COL6A3: variants seen among roughly 807,000 people sequenced by gnomAD.
COL6A3 encodes collagen type VI alpha 3 chain, also known as collagen alpha-3(VI) chain.
In COL6A3, 137 loss-of-function variants were observed where a neutral mutation model predicts 274.1. That is an observed-to-expected ratio of 0.50 (90% CI 0.44 to 0.58). COL6A3 has a LOEUF of 0.58. Ranked by LOEUF, COL6A3 falls within the 20% of genes least tolerant of loss-of-function variation. COL6A3 has a pLI of 0.00. For synonymous variants in COL6A3, 1,650 were observed against 1,650.6 expected (o/e 1.00, Z 0.01); for missense variants, 3,950 against 4,124.9 (o/e 0.96, Z 1.16).
Position 237,387,630 on chromosome 2 carries a change from C to T in COL6A3, c.1264G>A (p.Val422Met), listed in dbSNP as rs114511558. The change falls in exon 4 of 44, where the codon GTG (valine) becomes ATG (methionine). Residue 422 changes from valine to methionine, a missense_variant. Val to Met is a conservative substitution (Grantham distance 21, BLOSUM62 1). Around this residue, in one of 5 missense-constraint regions of COL6A3, gnomAD observed 1,934 missense variants for 1,984.3 expected, o/e 0.97. Coordinates refer to ENST00000295550, the MANE Select transcript of COL6A3 (RefSeq NM_004369.4). ...QEKLLPYIVG[V>M]AQRHIVLKPP... is the part of the protein sequence containing the mutation. ...TTCAAGACAATGTGCCTTTGGGCCA[C>T]GCCAACAATGTACGGCAGTAATTTC... The T allele has an allele frequency of 2.7e-4, 435 of 1,613,700 alleles. No individual in the cohort carries two copies. The East Asian group carries it at 8.6e-3, about 32-fold the overall frequency.
chr2:237,334,883 A>T lies in COL6A3; in HGVS notation c.8972T>A (p.Met2991Lys). 1.9e-6 allele frequency: 3 copies of T among 1,614,218 alleles called. No homozygotes were observed. Among genetic ancestry groups the T allele is most frequent in the Non-Finnish European group, 2.5e-6 (3 of 1,180,050 alleles). The change falls in exon 41 of 44, where the codon ATG becomes AAG. Residue 2991 changes from methionine to lysine, a missense_variant. Met to Lys is a moderately conservative substitution (Grantham distance 95). Around this residue, in one of 5 missense-constraint regions of COL6A3, gnomAD observed 1,284 missense variants for 1,349.7 expected, o/e 0.95. Transcript: ENST00000295550. ...KPATTKPMVK[M>K]SREVQVFEIT... ...CTCAAACACCTGGACTTCACGGGAC[A>T]TCTTAACTGAAAGATAGATCAGAGC...
chr2:237,394,744 C>T lies in COL6A3; in HGVS notation c.552G>A (p.Ala184=), dbSNP rs542204130. The change falls in exon 3 of 44, where the codon GCG becomes GCA. Residue 184 remains alanine (A), a synonymous_variant. Coordinates refer to ENST00000295550, the MANE Select transcript of COL6A3 (RefSeq NM_004369.4). ...GCGGTTCACTTGCTATTTCTTTTAA[C>T]GCTCCTTCATCTGCATCCTCAACTC... ...AIGVEDADEG[A]LKEIASEPLN... 1.1e-4 allele frequency: 174 copies of T among 1,614,074 alleles called. No individual in the cohort carries two copies. Among genetic ancestry groups the T allele is most frequent in the South Asian group, 4.8e-4 (44 of 91,086 alleles).
At chr2:237,342,453 GTTAAA>G (rs1455275032) in intron 36 of COL6A3, 1 of 402,278 alleles carries the variant, frequency 2.5e-6, no homozygotes, top group Non-Finnish European at 4.6e-6. Context: ...CATTTGGAGG[GTTAAA>G]TTAGATAATA....
chr2:237,347,659 G>A, intron 31 of COL6A3, 148 bp downstream of exon 31: 2 of 816,842 alleles, frequency 2.4e-6, no homozygotes, highest in Admixed American at 2.0e-5. Flanking sequence ...GAGGACATTG[G>A]TCTGGGGCTC....
At chr2:237,347,089 T>C (rs2077112167) in intron 31 of COL6A3, among the ~76,000 whole-genome samples, 1 of 152,054 alleles carries the variant, frequency 6.6e-6, no homozygotes, top group Non-Finnish European at 1.5e-5. Flanking sequence ...GACTCTGCCA[T>C]TTTAAGAGGG....
rs111671687 is a variant in COL6A3 at position 237,339,854 on chromosome 2, G to A, written c.8464+598C>T. The stretch of plus-strand genomic sequence containing the variant: ...CCAGGTAATAGATGCCCTAAATAGG[G>A]TGTCCGGATTAACCATGAGCAGGCC... On this transcript the variant is annotated intron_variant, in intron 38 of 43. Coordinates refer to ENST00000295550, the MANE Select transcript of COL6A3 (RefSeq NM_004369.4). 3.8e-3 allele frequency among the ~76,000 whole-genome samples: 573 copies of A among 152,240 alleles called. 6 individuals carry two copies. Among genetic ancestry groups the A allele is most frequent in the African/African-American group, 0.013 (536 of 41,546 alleles).
At chr2:237,397,186 T>G (rs575595206) in intron 1 of COL6A3, among the ~76,000 whole-genome samples, 60 of 75,100 alleles carry the variant, frequency 8.0e-4, no homozygotes, top group African/African-American at 1.4e-3. Context: ...AGAAGGAAGG[T>G]AAGGGAAGGG....
At chr2:237,326,855 A>T (rs1699971932) in intron 42 of COL6A3, 1 of 152,274 alleles carries the variant, frequency 6.6e-6, no homozygotes, top group Admixed American at 6.5e-5. Flanking sequence ...AGCTTGGATC[A>T]CCCACGATGG....
At chr2:237,409,277 A>G (rs902902442) in intron 1 of COL6A3, among the ~76,000 whole-genome samples, 1 of 152,026 alleles carries the variant, frequency 6.6e-6, no homozygotes, top group East Asian at 1.9e-4. Flanking sequence ...ATTCCCCAAG[A>G]ATGTATTCTC....
At chr2:237,403,261 G>A (rs1050516121) in intron 1 of COL6A3, among the ~76,000 whole-genome samples, 1 of 152,288 alleles carries the variant, frequency 6.6e-6, no homozygotes, top group Non-Finnish European at 1.5e-5. Context: ...AACACAGTGT[G>A]GGCCCTAGGC....
chr2:237,364,507 C>T lies in COL6A3; in HGVS notation c.5839-79G>A, dbSNP rs944473516. On this transcript the variant is annotated intron_variant, in intron 12 of 43. Transcript: ENST00000295550. This position sits in a 1 kb window ranked among gnomAD's most constrained non-coding sequence, Gnocchi z 4.6. ...ACTGCTGATAGAAAACTGAGAGACT[C>T]GCTGTCTCAAGCCCTTCATTTTACA... is the stretch of plus-strand genomic sequence containing the variant. The T allele has an allele frequency of 9.9e-6, 11 of 1,108,292 alleles. No homozygotes were observed. Among genetic ancestry groups the T allele is most frequent in the Admixed American group, 3.4e-5 (2 of 58,944 alleles). 68.7% of individuals were successfully genotyped at this position (1,108,292 alleles called of 1,614,324 possible). A position where few individuals can be genotyped will look rare whatever the true frequency, so the allele number is the denominator to read the frequency against.
At chr2:237,336,883 C>G (rs1700580059) in intron 39 of COL6A3, among the ~76,000 whole-genome samples, 1 of 152,012 alleles carries the variant, frequency 6.6e-6, no homozygotes, top group South Asian at 2.1e-4. Flanking sequence ...AAACATACAC[C>G]AAAAATTAAA....
At chr2:237,360,908 G>A (rs1419136266) in intron 16 of COL6A3, among the ~76,000 whole-genome samples, 1 of 152,158 alleles carries the variant, frequency 6.6e-6, no homozygotes, top group Non-Finnish European at 1.5e-5. Flanking sequence ...AACAGAGTAA[G>A]AACAAATCCC....
At position 237,347,872 on chromosome 2, in the gene COL6A3, G is replaced by C. The variant is rs1228002535; in HGVS notation, c.6967-3C>G. The C allele has an allele frequency of 1.9e-6, 3 of 1,608,934 alleles. No individual in the cohort carries two copies. Among genetic ancestry groups the C allele is most frequent in the Non-Finnish European group, 2.5e-6 (3 of 1,177,488 alleles). On this transcript the variant is annotated splice_region_variant and splice_polypyrimidine_tract_variant and intron_variant, in intron 30 of 43. Coordinates refer to ENST00000295550, the MANE Select transcript of COL6A3 (RefSeq NM_004369.4). ...AGCCCAGGTTCACCTGGGTTACCCT[G>C]GGAAGAAAGCCGAGAAGTGGCACAG...
chr2:237,343,008 C>G (rs1339107699), intron 36 of COL6A3: 1 of 152,222 alleles, frequency 6.6e-6, no homozygotes, highest in Non-Finnish European at 1.5e-5. Context: ...CATCCTGCCC[C>G]AGTCTCAATT....
rs113448987 is a variant in COL6A3, at chr2:237,344,996, C to A, written c.7163-44G>T. 27 of 1,613,970 alleles carry A rather than the reference C, an allele frequency of 1.7e-5. No homozygotes were observed. The highest frequency in any genetic ancestry group is 2.3e-5 in the Non-Finnish European group (27 of 1,179,980). On this transcript the variant is annotated intron_variant, in intron 34 of 43. Coordinates refer to ENST00000295550, the MANE Select transcript of COL6A3 (RefSeq NM_004369.4). The surrounding 1 kb of genome is among the most constrained non-coding windows in gnomAD (Gnocchi z 4.8). ...GAAGAAAGGGTGAGAGACTACTCTA[C>A]CATGTGAGAATTTCGAATGTAAAAA...
chr2:237,363,360 C>A lies in COL6A3; in HGVS notation c.5956G>T (p.Val1986Phe). The A allele has an allele frequency of 1.9e-6, 3 of 1,614,138 alleles. No homozygotes were observed. Among genetic ancestry groups the A allele is most frequent in the Non-Finnish European group, 2.5e-6 (3 of 1,180,042 alleles). The change falls in exon 14 of 44, where the codon GTC (valine) becomes TTC (phenylalanine). Residue 1986 changes from valine (V) to phenylalanine (F), a missense_variant. Transcript: ENST00000295550. ...AGATGCATTAGCCGCTCCAAGTTGACCACTCGTTCAAGGCCCACCAGGATC... is the reference window on the plus strand; with the variant it reads ...AGATGCATTAGCCGCTCCAAGTTGAACACTCGTTCAAGGCCCACCAGGATC... ...ALILVGLERV[V>F]NLERLMHLEF...
chr2:237,348,098 A>G (rs773267334), intron 30 of COL6A3, among the ~76,000 whole-genome samples: 12 of 152,236 alleles, frequency 7.9e-5, no homozygotes, highest in Non-Finnish European at 1.8e-4. Context: ...ATAGCATTTC[A>G]CAGCTTACAG....
intron 31 of COL6A3, among the ~76,000 whole-genome samples, chr2:237,346,779 A>C (rs778357177): frequency 6.6e-6 from 1 of 152,086 alleles, no homozygotes; most frequent in Non-Finnish European, 1.5e-5. Context: ...CCAACTATAG[A>C]GGTGTTGTAT....
Sources: gnomAD v4.1 joint callset for allele counts (sites outside exome capture counted in the v4.1 genomes callset) on GRCh38, gnomAD v4.1.1 for gene constraint, gnomAD v4.1.1 regional missense constraint, Gnocchi (gnomAD v3.1) non-coding constraint, MANE v1.5 for transcripts, NCBI Gene and HGNC (gene_info 2026-07-23, HGNC 2026-07-21) for gene names.